The following ABLIM3 variants were observed in gnomAD, a reference collection of about 807,000 sequenced individuals.
ABLIM3 encodes actin binding LIM protein family member 3.
A neutral mutation model predicts 109.5 loss-of-function variants in ABLIM3; 61 were observed. The observed-to-expected ratio is 0.56, with a 90% CI of 0.45 to 0.69. ABLIM3 has a LOEUF of 0.69. Among genes scored for constraint, ABLIM3 ranks in the 30% least tolerant of loss-of-function variants. ABLIM3 has a pLI of 0.00. For missense variants in ABLIM3, 796 were observed against 889.5 expected, an observed-to-expected ratio of 0.89 and a Z score of 1.34; for synonymous variants, 300 against 324.8, an observed-to-expected ratio of 0.92 and a Z score of 0.82.
At chr5:149,158,236 T>A (rs565358658) in intron 2 of ABLIM3, among the ~76,000 whole-genome samples, 1 of 152,328 alleles carries the variant, frequency 6.6e-6, no homozygotes, top group Admixed American at 6.5e-5. Flanking sequence ...GTATAATGTA[T>A]TTGTTCCCCA....
At chr5:149,240,324 T>C (rs1350344840) in intron 13 of ABLIM3, 2 of 377,778 alleles carry the variant, frequency 5.3e-6, no homozygotes, top group Non-Finnish European at 9.7e-6. Flanking sequence ...AGCACTTGGA[T>C]GGAGGAAAGG....
chr5:149,209,885 A>G (rs1010031752), intron 6 of ABLIM3, among the ~76,000 whole-genome samples: 1 of 152,182 alleles, frequency 6.6e-6, no homozygotes, highest in Admixed American at 6.5e-5. Context: ...CAGCAACCTC[A>G]TCAGGGCAAC....
rs1379767382 is a variant in ABLIM3, at chr5:149,242,541, A to G, written c.1351+3A>G. The G allele has an allele frequency of 6.2e-7, 1 of 1,613,894 alleles. No homozygotes were observed. The highest frequency in any genetic ancestry group is 8.5e-7 in the Non-Finnish European group (1 of 1,179,994). Reference sequence around the variant, plus strand: ...ACCCCCGATCTACAAACGGCATGGTATGGTCAGAGGTAGATAGGGCTTGGC... The same window carrying G: ...ACCCCCGATCTACAAACGGCATGGTGTGGTCAGAGGTAGATAGGGCTTGGC... On this transcript the variant is annotated splice_donor_region_variant and intron_variant, in intron 15 of 23. Transcript: ENST00000309868.
At chr5:149,246,861 C>T (rs1482560030) in intron 17 of ABLIM3, among the ~76,000 whole-genome samples, 1 of 152,194 alleles carries the variant, frequency 6.6e-6, no homozygotes, top group Non-Finnish European at 1.5e-5. Context: ...CTGGTGAAAC[C>T]CTTGTTTCAG....
At chr5:149,152,834 G>C (rs4434368) in intron 2 of ABLIM3, among the ~76,000 whole-genome samples, 124,388 of 151,918 alleles carry the variant, frequency 0.82, 51,312 homozygotes, top group African/African-American at 0.92. Flanking sequence ...AACAATGATT[G>C]CATGTGGCTA....
At chr5:149,215,651 C>T (rs1468733173) in intron 7 of ABLIM3, among the ~76,000 whole-genome samples, 2 of 152,138 alleles carry the variant, frequency 1.3e-5, no homozygotes, top group Non-Finnish European at 2.9e-5. Flanking sequence ...CTTTAAGAAC[C>T]CCTAACATCC....
chr5:149,212,838 T>A (rs1029764566), intron 7 of ABLIM3, among the ~76,000 whole-genome samples: 5 of 152,068 alleles, frequency 3.3e-5, no homozygotes, highest in African/African-American at 1.2e-4. Flanking sequence ...GAAATACGGA[T>A]CAGAGGCTGG....
At position 149,260,387 on chromosome 5, in the gene ABLIM3, ATTG is replaced by A. The variant is rs1754799382; in HGVS notation, c.*1990_*1992del. On this transcript the variant is annotated 3_prime_UTR_variant, in exon 24 of 24. Transcript: ENST00000309868. ...TTGGCGAGATTGAAGGGCTTTTGTTATTGTTGTTGGATATTTTTGTTTCCCATA... is the reference window on the plus strand; with the variant it reads ...TTGGCGAGATTGAAGGGCTTTTGTTATTGTTGGATATTTTTGTTTCCCATA... 1 of 152,498 alleles carries A rather than the reference ATTG, an allele frequency of 6.6e-6. No homozygotes were observed. Among genetic ancestry groups the A allele is most frequent in the South Asian group, 2.1e-4 (1 of 4,826 alleles). 9.4% of individuals were successfully genotyped at this position (152,498 alleles called of 1,614,324 possible).
chr5:149,175,035 A>G (rs188447339), intron 2 of ABLIM3, among the ~76,000 whole-genome samples: 1 of 152,364 alleles, frequency 6.6e-6, no homozygotes. Flanking sequence ...TGTAAAGATC[A>G]CAAGGAACTG....
chr5:149,237,694 T>C (rs1016218756), intron 11 of ABLIM3, 91 bp downstream of exon 11: 17 of 1,521,148 alleles, frequency 1.1e-5, no homozygotes, highest in Non-Finnish European at 1.4e-5. Flanking sequence ...CAGTTTGGCC[T>C]CCACAATGCT....
Position 149,259,622 on chromosome 5 carries a change from A to G in ABLIM3, c.*1218A>G, listed in dbSNP as rs1366249816. On this transcript the variant is annotated 3_prime_UTR_variant, in exon 24 of 24. Transcript: ENST00000309868. The stretch of plus-strand genomic sequence containing the variant: ...CCAACACCGCTCATGGCCATCCTGG[A>G]TTTTCCCAGTGGCTTCCCTTCCTGC... 8.5e-6 allele frequency: 13 copies of G among 1,528,566 alleles called. No homozygotes were observed. In the South Asian group the frequency reaches 1.5e-4, roughly 18 times the overall value. The allele number at this position is 1,528,566 out of a possible 1,614,324, so 94.7% of individuals were successfully genotyped here.
At chr5:149,154,730 T>A (rs1753734377) in intron 2 of ABLIM3, among the ~76,000 whole-genome samples, 1 of 152,238 alleles carries the variant, frequency 6.6e-6, no homozygotes, top group African/African-American at 2.4e-5. Flanking sequence ...CTTTCTCTCA[T>A]CCTCCTTTGA....
Position 149,198,421 on chromosome 5 carries a change from G to A in ABLIM3, c.335+19G>A. On this transcript the variant is annotated intron_variant, in intron 4 of 23. Transcript: ENST00000309868. The surrounding 1 kb of genome is among the most constrained non-coding windows in gnomAD (Gnocchi z 4.2). ...TGTGCAGGTGAGTGGGCGACCAGCA[G>A]GGCCTGGGACCCTCTGCATAAGCCC... The A allele has an allele frequency of 6.3e-7, 1 of 1,596,114 alleles. No individual in the cohort carries two copies. The highest frequency in any genetic ancestry group is 8.5e-7 in the Non-Finnish European group (1 of 1,171,108).
In ABLIM3 at chr5:149,233,223, T is replaced by C. The variant is rs1762034824; in HGVS notation, c.817-6T>C. 2 of 1,614,020 alleles carry C rather than the reference T, an allele frequency of 1.2e-6. No individual in the cohort carries two copies. Among genetic ancestry groups the C allele is most frequent in the Admixed American group, 3.3e-5 (2 of 60,002 alleles). ...CTCACCTTTTCTGTCTTCATCTCTC[T>C]CACAGCATAGACGGACATCTGAAAC... On this transcript the variant is annotated splice_polypyrimidine_tract_variant and splice_region_variant and intron_variant, in intron 9 of 23. Transcript: ENST00000309868.
rs898653410 is a variant in ABLIM3 at position 149,258,837 on chromosome 5, G to C, written c.*433G>C. The C allele has an allele frequency of 3.0e-5, 30 of 990,252 alleles. No homozygotes were observed. Among genetic ancestry groups the C allele is most frequent in the African/African-American group, 3.5e-5 (2 of 57,324 alleles). 61.3% of individuals were successfully genotyped at this position (990,252 alleles called of 1,614,324 possible). On this transcript the variant is annotated 3_prime_UTR_variant, in exon 24 of 24. Transcript: ENST00000309868. ...GGGCCCTCCCATGGGAAGATCTGCA[G>C]CAGTCTCCCCAAATCAGTGAGCACC...
intron 17 of ABLIM3, among the ~76,000 whole-genome samples, chr5:149,247,175 G>A (rs1753463273): frequency 6.6e-6 from 1 of 152,200 alleles, no homozygotes; most frequent in African/African-American, 2.4e-5. Flanking sequence ...AAAACATTAT[G>A]CTTAAGAAAA....
At chr5:149,145,932 G>A (rs1239264112) in intron 2 of ABLIM3, among the ~76,000 whole-genome samples, 3 of 151,924 alleles carry the variant, frequency 2.0e-5, no homozygotes, top group Admixed American at 6.5e-5. Context: ...ACCGCAGGTG[G>A]GTGCCACCAG....
intron 2 of ABLIM3, among the ~76,000 whole-genome samples, chr5:149,175,383 C>G (rs979945048): frequency 6.6e-6 from 1 of 152,144 alleles, no homozygotes; most frequent in African/African-American, 2.4e-5. Context: ...TTTAGAAGAA[C>G]AGAAGGATTT....
intron 8 of ABLIM3, among the ~76,000 whole-genome samples, chr5:149,229,438 G>T (rs954428914): frequency 3.0e-4 from 45 of 152,242 alleles, no homozygotes; most frequent in Middle Eastern, 3.4e-3. Context: ...GAGGAAACTG[G>T]GACCCAGAGA....
Sources: allele counts gnomAD v4.1 joint callset (sites outside exome capture counted in the v4.1 genomes callset), GRCh38; gene constraint gnomAD v4.1.1; non-coding constraint Gnocchi (gnomAD v3.1); transcripts MANE v1.5; gene names NCBI Gene and HGNC (gene_info 2026-07-23, HGNC 2026-07-21).